Variants in RIMS1 observed in about 807,000 individuals in gnomAD.
RIMS1 encodes the protein regulating synaptic membrane exocytosis protein 1.
A neutral mutation model predicts 214.1 loss-of-function variants in RIMS1; 83 were observed. The ratio of observed to expected loss-of-function variants is 0.39; its 90% CI spans 0.32 to 0.47. RIMS1 has a LOEUF of 0.47. RIMS1 is among the 20% of genes least tolerant of loss of function. The pLI is 0.99. For synonymous variants in RIMS1, 793 were observed against 786.8 expected (o/e 1.01, Z -0.13); for missense variants, 2,050 against 2,161.8 (o/e 0.95, Z 1.03).
chr6:72,308,583 T>A (rs1004960195), intron 27 of RIMS1, among the ~76,000 whole-genome samples: 2 of 151,964 alleles, frequency 1.3e-5, no homozygotes, highest in Admixed American at 6.6e-5. Flanking sequence ...AATAAAAAAA[T>A]AAAATAAAAA....
intron 2 of RIMS1, among the ~76,000 whole-genome samples, chr6:72,078,701 A>G (rs1360158289): frequency 2.0e-5 from 3 of 151,974 alleles, no homozygotes; most frequent in African/African-American, 4.8e-5. Context: ...AACAAAAACA[A>G]TGCTCCTTTA....
chr6:72,178,701 C>T (rs1000376683), intron 4 of RIMS1, among the ~76,000 whole-genome samples: 17 of 152,216 alleles, frequency 1.1e-4, no homozygotes, highest in Admixed American at 9.8e-4. Flanking sequence ...TAGCACCTAT[C>T]TTTGCCCTGT....
At chr6:72,105,327 C>A (rs1340517989) in intron 4 of RIMS1, among the ~76,000 whole-genome samples, 2 of 152,018 alleles carry the variant, frequency 1.3e-5, no homozygotes, top group Admixed American at 1.3e-4. Flanking sequence ...AAATTACTAT[C>A]TCATTCTTTT....
At chr6:72,392,567 C>T (rs1277151155) in intron 30 of RIMS1, 131 bp from the exon 31 acceptor site, 5 of 731,728 alleles carry the variant, frequency 6.8e-6, no homozygotes, top group Admixed American at 6.3e-5. Context: ...TGCAAAGAAT[C>T]AATTAAAAAA....
At chr6:72,188,909 C>T (rs2049585044) in intron 6 of RIMS1, among the ~76,000 whole-genome samples, 1 of 152,208 alleles carries the variant, frequency 6.6e-6, no homozygotes, top group South Asian at 2.1e-4. Context: ...GCCAACACTG[C>T]AATTCCCTTC....
At position 72,285,956 on chromosome 6, in the gene RIMS1, G is replaced by A. The variant is rs183936631; in HGVS notation, c.3554+1838G>A. On this transcript the variant is annotated intron_variant, in intron 24 of 33. Transcript: ENST00000521978. ...CTCACACCTGTAATACCAGCACTTT[G>A]GGAGGCCAAGGCGGGCAGATCATCT... Among the ~76,000 whole-genome samples, 1,245 of 152,164 alleles carry A rather than the reference G, an allele frequency of 8.2e-3. 58 individuals carry two copies. The highest frequency in any genetic ancestry group is 0.076 in the Admixed American group (1,160 of 15,264).
chr6:71,886,871 C>T lies in RIMS1; in HGVS notation c.-153C>T. 2 of 756,142 alleles carry T rather than the reference C, an allele frequency of 2.6e-6. No homozygotes were observed. Among genetic ancestry groups the T allele is most frequent in the South Asian group, 3.4e-5 (2 of 58,266 alleles). 46.8% of individuals were successfully genotyped at this position (756,142 alleles called of 1,614,324 possible). On this transcript the variant is annotated 5_prime_UTR_variant, in exon 1 of 34. Coordinates refer to ENST00000521978, the MANE Select transcript of RIMS1 (RefSeq NM_014989.7). ...TGGGTTCTCGCTCTCCCCGGCTCTGCTGCTGCTGCTGCTGCCGCCGCCGCC... is the reference window on the plus strand; with the variant it reads ...TGGGTTCTCGCTCTCCCCGGCTCTGTTGCTGCTGCTGCTGCCGCCGCCGCC...
intron 6 of RIMS1, among the ~76,000 whole-genome samples, chr6:72,195,811 T>C (rs1759850348): frequency 6.6e-6 from 1 of 152,076 alleles, no homozygotes; most frequent in African/African-American, 2.4e-5. Context: ...TAAAGAGGTT[T>C]AGTTGACTCA....
At chr6:72,136,298 G>T (rs1471535861) in intron 4 of RIMS1, among the ~76,000 whole-genome samples, 12 of 150,410 alleles carry the variant, frequency 8.0e-5, no homozygotes, top group Non-Finnish European at 1.5e-5. Flanking sequence ...CAAAATAGAG[G>T]AAAATATTCC....
At chr6:72,040,475 A>G (rs1821139088) in intron 2 of RIMS1, among the ~76,000 whole-genome samples, 1 of 152,030 alleles carries the variant, frequency 6.6e-6, no homozygotes, top group African/African-American at 2.4e-5. Context: ...CTATGCCCTG[A>G]GAGTTAAGCC....
At chr6:72,343,882 A>C (rs1325739609) in intron 29 of RIMS1, among the ~76,000 whole-genome samples, 1 of 151,692 alleles carries the variant, frequency 6.6e-6, no homozygotes, top group African/African-American at 2.4e-5. Flanking sequence ...GTGTATCACT[A>C]ACTTCTCAAG....
chr6:71,961,636 G>C (rs1355051250), intron 1 of RIMS1, among the ~76,000 whole-genome samples: 4 of 152,044 alleles, frequency 2.6e-5, no homozygotes, highest in African/African-American at 7.2e-5. Context: ...AGAGTTCAAA[G>C]CATGATTTCA....
chr6:72,051,449 G>A (rs972373476), intron 2 of RIMS1, among the ~76,000 whole-genome samples: 26 of 152,272 alleles, frequency 1.7e-4, no homozygotes, highest in African/African-American at 4.1e-4. Flanking sequence ...AAGGTCACAC[G>A]CTAGTAAGTG....
At chr6:72,400,470 A>G in intron 33 of RIMS1, 26 bp from the exon 34 acceptor site, 1 of 1,586,548 alleles carries the variant, frequency 6.3e-7, no homozygotes. Flanking sequence ...AAGTCCAGGT[A>G]ATGTTGCATT....
At chr6:71,995,379 T>C (rs1203145185) in intron 2 of RIMS1, among the ~76,000 whole-genome samples, 1 of 152,076 alleles carries the variant, frequency 6.6e-6, no homozygotes, top group Admixed American at 6.6e-5. Flanking sequence ...TATCCCCTTT[T>C]ACAGTGATGC....
chr6:72,092,720 TG>T (rs1418247718), intron 2 of RIMS1, among the ~76,000 whole-genome samples: 1 of 152,114 alleles, frequency 6.6e-6, no homozygotes, highest in Non-Finnish European at 1.5e-5. Context: ...ATGAAGCACT[TG>T]GTGAAAAGCT....
Position 72,095,182 on chromosome 6 carries a change from C to T in RIMS1, c.246-1767C>T, listed in dbSNP as rs924314820. Among the ~76,000 whole-genome samples the T allele has an allele frequency of 4.7e-5, 6 of 127,168 alleles. No individual in the cohort carries two copies. In the Admixed American group the frequency reaches 5.9e-4, roughly 12 times the overall value. The allele number at this position is 127,168 out of a possible 152,430, so 83.4% of individuals were successfully genotyped here. On this transcript the variant is annotated intron_variant, in intron 2 of 33. Transcript: ENST00000521978. ...GTTTCACAGTGTTAGCCAGGATTGT[C>T]TTGATCTCCTGACCTCATGATCCGC... is the stretch of plus-strand genomic sequence containing the variant.
chr6:72,342,375 G>A (rs991477330), intron 29 of RIMS1, among the ~76,000 whole-genome samples: 1 of 151,338 alleles, frequency 6.6e-6, no homozygotes, highest in Non-Finnish European at 1.5e-5. Flanking sequence ...CAAGGGGATA[G>A]GGCTAAAAGG....
chr6:72,324,136 T>C (rs1381310024), intron 28 of RIMS1, among the ~76,000 whole-genome samples: 8 of 151,394 alleles, frequency 5.3e-5, no homozygotes, highest in Admixed American at 3.3e-4. Flanking sequence ...CTAATGGGAG[T>C]TCATGTTGAA....
Sources: allele counts gnomAD v4.1 joint callset (sites outside exome capture counted in the v4.1 genomes callset), GRCh38; gene constraint gnomAD v4.1.1; transcripts MANE v1.5; gene names NCBI Gene and HGNC (gene_info 2026-07-23, HGNC 2026-07-21).